The following HMBOX1 variants were observed in gnomAD, a reference collection of about 807,000 sequenced individuals.
HMBOX1 encodes the protein homeobox containing 1, also known as homeobox-containing protein 1.
HMBOX1 carries 14 observed loss-of-function variants against 54.5 expected under a neutral mutation model. The observed-to-expected ratio is 0.26, with a 90% CI of 0.17 to 0.40. HMBOX1 has a LOEUF of 0.40. Ranked by LOEUF, HMBOX1 falls within the 10% of genes least tolerant of loss-of-function variation. The pLI is 1.00. For missense variants in HMBOX1, 332 were observed against 514.4 expected, an observed-to-expected ratio of 0.65 and a Z score of 3.43; for synonymous variants, 160 against 181.0, an observed-to-expected ratio of 0.88 and a Z score of 0.93.
At chr8:28,899,491 A>G (rs1318789496) in intron 1 of HMBOX1, among the ~76,000 whole-genome samples, 1 of 152,200 alleles carries the variant, frequency 6.6e-6, no homozygotes, top group African/African-American at 2.4e-5. Context: ...CTGACAAGAA[A>G]ATTTGTGCCT....
chr8:28,929,102 A>G (rs1819033671), intron 1 of HMBOX1, among the ~76,000 whole-genome samples: 1 of 152,220 alleles, frequency 6.6e-6, no homozygotes, highest in African/African-American at 2.4e-5. Flanking sequence ...ATCACATTGC[A>G]TGCCTTAAAT....
intron 1 of HMBOX1, among the ~76,000 whole-genome samples, chr8:28,952,961 C>G (rs1305860919): frequency 6.6e-6 from 1 of 152,118 alleles, no homozygotes; most frequent in African/African-American, 2.4e-5. Context: ...AAAGGTGAAG[C>G]CTACTATAGC....
At chr8:28,890,273 G>T, upstream of HMBOX1, 1 of 184,742 alleles carries the variant, frequency 5.4e-6, no homozygotes, top group South Asian at 1.0e-4. Flanking sequence ...GGATGGGCAC[G>T]GGGCTTGCCG....
chr8:28,963,059 A>G (rs1474649243), intron 1 of HMBOX1, among the ~76,000 whole-genome samples: 3 of 152,124 alleles, frequency 2.0e-5, no homozygotes, highest in African/African-American at 7.2e-5. Context: ...ATCTCGGTTC[A>G]CTGCAACCGC....
chr8:28,962,184 T>C (rs1038065956), intron 1 of HMBOX1, among the ~76,000 whole-genome samples: 1 of 152,198 alleles, frequency 6.6e-6, no homozygotes, highest in Non-Finnish European at 1.5e-5. Context: ...CCAGAAGAGC[T>C]TTATGAAATT....
chr8:28,896,819 G>T (rs1462156003), intron 1 of HMBOX1, among the ~76,000 whole-genome samples: 1 of 152,148 alleles, frequency 6.6e-6, no homozygotes, highest in Non-Finnish European at 1.5e-5. Flanking sequence ...GCGTTTCTCA[G>T]AGTGTATCTC....
chr8:28,973,803 GTTTTTTTTTTTTTTT>G (rs71222583), intron 3 of HMBOX1, among the ~76,000 whole-genome samples: 2,380 of 72,690 alleles, frequency 0.033, 85 homozygotes, highest in African/African-American at 0.12. Flanking sequence ...ACATAATGGA[GTTTTTTTTTTTTTTT>G]TTTTTTTTTT....
intron 1 of HMBOX1, among the ~76,000 whole-genome samples, chr8:28,894,620 G>A (rs1395261260): frequency 1.3e-5 from 2 of 152,108 alleles, no homozygotes; most frequent in Admixed American, 6.5e-5. Context: ...CTGGATTTAG[G>A]GCCCATCATA....
chr8:28,900,269 A>ATAT (rs1422463025), intron 1 of HMBOX1, among the ~76,000 whole-genome samples: 1,888 of 68,996 alleles, frequency 0.027, 24 homozygotes, highest in Non-Finnish European at 0.035. Context: ...AAAAAAAAAA[A>ATAT]AAATATATAT....
At chr8:29,024,623 A>G (rs1801734741) in intron 6 of HMBOX1, among the ~76,000 whole-genome samples, 1 of 152,214 alleles carries the variant, frequency 6.6e-6, no homozygotes, top group Non-Finnish European at 1.5e-5. Context: ...TAAGGCAGTA[A>G]TAGCTTACAT....
chr8:28,961,386 A>G (rs1406788394), intron 1 of HMBOX1, among the ~76,000 whole-genome samples: 1 of 151,874 alleles, frequency 6.6e-6, no homozygotes, highest in Non-Finnish European at 1.5e-5. Context: ...TGCCCATTTT[A>G]CCCACCATGC....
intron 1 of HMBOX1, among the ~76,000 whole-genome samples, chr8:28,900,175 G>A (rs1039228313): frequency 7.4e-5 from 11 of 148,594 alleles, no homozygotes; most frequent in Admixed American, 1.4e-4. Context: ...CTTGAACTGG[G>A]AACTGGGAGG....
chr8:28,901,131 C>T (rs1198980268), intron 1 of HMBOX1, among the ~76,000 whole-genome samples: 2 of 152,120 alleles, frequency 1.3e-5, no homozygotes, highest in Non-Finnish European at 2.9e-5. Context: ...GTGGTTGTTA[C>T]ACCTTATCTT....
At chr8:28,899,582 A>G (rs1812821146) in intron 1 of HMBOX1, among the ~76,000 whole-genome samples, 1 of 152,240 alleles carries the variant, frequency 6.6e-6, no homozygotes, top group African/African-American at 2.4e-5. Flanking sequence ...AGATCTGGCA[A>G]CAAAAGAATT....
intron 6 of HMBOX1, among the ~76,000 whole-genome samples, chr8:29,028,065 T>C (rs937420709): frequency 1.3e-5 from 2 of 152,146 alleles, no homozygotes; most frequent in African/African-American, 4.8e-5. Context: ...TTTTAACCCC[T>C]GTCAGTCTCC....
At chr8:28,918,347 G>T (rs1386353471) in intron 1 of HMBOX1, among the ~76,000 whole-genome samples, 1 of 152,126 alleles carries the variant, frequency 6.6e-6, no homozygotes, top group African/African-American at 2.4e-5. Context: ...GGGGCTACAG[G>T]TGCATGCCAC....
At chr8:28,932,852 C>T (rs1268322070) in intron 1 of HMBOX1, among the ~76,000 whole-genome samples, 1 of 152,128 alleles carries the variant, frequency 6.6e-6, no homozygotes, top group African/African-American at 2.4e-5. Flanking sequence ...CTTGGAGTGC[C>T]TTCATACTCC....
At chr8:28,992,271 G>A (rs1014824778) in intron 4 of HMBOX1, among the ~76,000 whole-genome samples, 6 of 152,134 alleles carry the variant, frequency 3.9e-5, no homozygotes, top group Non-Finnish European at 5.9e-5. Flanking sequence ...CTACCTAAAC[G>A]GATTCTTGAG....
chr8:29,033,020 A>G (rs753301164), intron 6 of HMBOX1, among the ~76,000 whole-genome samples: 10 of 152,184 alleles, frequency 6.6e-5, no homozygotes, highest in African/African-American at 2.4e-4. Flanking sequence ...TCCTTAGAAC[A>G]TTATATCATT....
Sources: allele counts gnomAD v4.1 joint callset (sites outside exome capture counted in the v4.1 genomes callset), GRCh38; gene constraint gnomAD v4.1.1; transcripts MANE v1.5; gene names NCBI Gene and HGNC (gene_info 2026-07-23, HGNC 2026-07-21).